The following PTPN13 variants were observed in gnomAD, a reference collection of about 807,000 sequenced individuals.
PTPN13 encodes protein tyrosine phosphatase non-receptor type 13, also known as tyrosine-protein phosphatase non-receptor type 13.
In PTPN13, 191 loss-of-function variants were observed where a neutral mutation model predicts 284.0. The observed-to-expected ratio is 0.67, with a 90% confidence interval of 0.60 to 0.76. The LOEUF (loss-of-function observed/expected upper bound fraction) is 0.76, where lower values mean the gene tolerates loss of function less well. PTPN13 is among the 30% of genes least tolerant of loss of function. PTPN13 has a pLI of 0.00. For missense variants in PTPN13, 2,797 were observed against 2,939.9 expected, an observed-to-expected ratio of 0.95 and a Z score of 1.12; for synonymous variants, 986 against 1,022.3, an observed-to-expected ratio of 0.96 and a Z score of 0.68.
intron 35 of PTPN13, 149 bp downstream of exon 35, chr4:86,775,801 A>T: frequency 3.0e-6 from 2 of 662,224 alleles, no homozygotes; most frequent in South Asian, 2.0e-5. Context: ...AGACTTCTTG[A>T]TAGGCGATTT....
chr4:86,659,707 T>G (rs912207023), intron 2 of PTPN13, among the ~76,000 whole-genome samples: 2 of 151,936 alleles, frequency 1.3e-5, no homozygotes, highest in Non-Finnish European at 2.9e-5. Flanking sequence ...TCCCAGCTAC[T>G]CAGGAGGCTG....
intron 20 of PTPN13, 82 bp downstream of exon 20, chr4:86,753,147 G>C (rs969875674): frequency 1.9e-6 from 2 of 1,038,712 alleles, no homozygotes; most frequent in African/African-American, 1.6e-5. Flanking sequence ...ACAATGAAGA[G>C]TCTTGAGTTC....
At chr4:86,674,458 G>A (rs1469028612) in intron 3 of PTPN13, among the ~76,000 whole-genome samples, 1 of 152,130 alleles carries the variant, frequency 6.6e-6, no homozygotes, top group Non-Finnish European at 1.5e-5. Context: ...TCTTTTCAGA[G>A]ATTGAATGTG....
rs1020154783 is a variant in PTPN13, at chr4:86,618,535, A to G, written c.-5-16717A>G. On this transcript the variant is annotated intron_variant, in intron 1 of 47. Transcript: ENST00000411767. ...CCTTGGGCATTATGGCCATTTTCACAATATTGATTCTTCCTACCCATGAGC... is the reference window on the plus strand; with the variant it reads ...CCTTGGGCATTATGGCCATTTTCACGATATTGATTCTTCCTACCCATGAGC... Among the ~76,000 whole-genome samples, 5 of 152,216 alleles carry G rather than the reference A, an allele frequency of 3.3e-5. No individual in the cohort carries two copies. The South Asian group carries it at 6.2e-4, about 19-fold the overall frequency.
intron 7 of PTPN13, among the ~76,000 whole-genome samples, chr4:86,712,479 G>T (rs190497530): frequency 6.6e-6 from 1 of 151,792 alleles, no homozygotes; most frequent in Admixed American, 6.6e-5. Context: ...ACCTGAAAAC[G>T]TTAAATTTAT....
chr4:86,684,038 T>G (rs951986631), intron 3 of PTPN13, among the ~76,000 whole-genome samples: 2 of 151,860 alleles, frequency 1.3e-5, no homozygotes, highest in African/African-American at 4.8e-5. Context: ...TCAACAGACA[T>G]GTATTGAATA....
At chr4:86,674,676 T>G (rs895776470) in intron 3 of PTPN13, among the ~76,000 whole-genome samples, 24 of 152,200 alleles carry the variant, frequency 1.6e-4, no homozygotes, top group Non-Finnish European at 2.9e-4. Context: ...GGGGTAATGC[T>G]TAAGGCATTA....
chr4:86,753,111 AC>A, intron 20 of PTPN13, 46 bp downstream of exon 20: 1 of 1,443,372 alleles, frequency 6.9e-7, no homozygotes, highest in African/African-American at 1.4e-5. Context: ...CATTTCTTGT[AC>A]CTTACTGAGA....
chr4:86,733,037 C>T (rs1354146756), intron 12 of PTPN13, among the ~76,000 whole-genome samples: 2 of 151,648 alleles, frequency 1.3e-5, no homozygotes, highest in African/African-American at 4.8e-5. Context: ...TTTTAGGGAC[C>T]GTTTTATATG....
rs574697888 is a variant in PTPN13, at chr4:86,779,659, T to C, written c.5892-743T>C. 3.9e-5 allele frequency among the ~76,000 whole-genome samples: 6 copies of C among 152,256 alleles called. No individual in the cohort carries two copies. In the East Asian group the frequency reaches 1.2e-3, roughly 29 times the overall value. On this transcript the variant is annotated intron_variant, in intron 35 of 47. Transcript: ENST00000411767. ...AGGTCAGGACCTTGCATTTTGGGGC[T>C]AGTCAGCAAGAACATACAGGGGTAC...
At chr4:86,785,499 A>G (rs1741796525) in intron 39 of PTPN13, 131 bp downstream of exon 39, 3 of 868,454 alleles carry the variant, frequency 3.5e-6, no homozygotes, top group Non-Finnish European at 5.0e-6. Flanking sequence ...TTTCAGAAAC[A>G]AAACAGAATT....
At chr4:86,705,106 C>G (rs532343652) in intron 7 of PTPN13, among the ~76,000 whole-genome samples, 1 of 151,908 alleles carries the variant, frequency 6.6e-6, no homozygotes, top group Non-Finnish European at 1.5e-5. Context: ...GAGGCCAGGG[C>G]GGGCAGATCA....
chr4:86,774,679 G>A (rs546356817), intron 33 of PTPN13, 148 bp downstream of exon 33: 8 of 408,100 alleles, frequency 2.0e-5, no homozygotes, highest in South Asian at 1.1e-4. Flanking sequence ...CCTTCATATC[G>A]TTAACAGTTT....
intron 15 of PTPN13, among the ~76,000 whole-genome samples, chr4:86,738,175 C>G (rs1040790640): frequency 6.6e-6 from 1 of 151,426 alleles, no homozygotes; most frequent in Non-Finnish European, 1.5e-5. Context: ...TATAAACATT[C>G]CAGTTCACAT....
intron 20 of PTPN13, among the ~76,000 whole-genome samples, chr4:86,756,753 A>C (rs138588469): frequency 8.7e-4 from 133 of 152,292 alleles, no homozygotes; most frequent in African/African-American, 3.0e-3. Flanking sequence ...CAAAATTACT[A>C]TTTGTTTTGT....
Position 86,809,973 on chromosome 4 carries a change from C to T in PTPN13, c.7288C>T (p.Gln2430Ter). The change falls in exon 46 of 48, where the codon CAG becomes TAG. Residue 2430 changes from glutamine (Q) to a stop codon, truncating the protein, a stop_gained. Coordinates refer to ENST00000411767, the MANE Select transcript of PTPN13 (RefSeq NM_080683.3). LOFTEE classifies it high-confidence loss of function. ...CIDVVLGLIS[Q>*]DLDFDISDLV... ...AGATGTGGTTCTGGGATTAATCAGT[C>T]AGGATCTTGATGTGAGTACAAGATA... The T allele has an allele frequency of 6.2e-7, 1 of 1,613,680 alleles. No individual in the cohort carries two copies. The highest frequency in any genetic ancestry group is 8.5e-7 in the Non-Finnish European group (1 of 1,179,698).
intron 40 of PTPN13, among the ~76,000 whole-genome samples, chr4:86,792,187 A>G (rs1247088518): frequency 6.6e-6 from 1 of 152,256 alleles, no homozygotes; most frequent in East Asian, 1.9e-4. Context: ...GCTGAAAACC[A>G]CAGCACGAGA....
At chr4:86,663,313 TG>T (rs1399359274) in intron 2 of PTPN13, among the ~76,000 whole-genome samples, 1 of 152,052 alleles carries the variant, frequency 6.6e-6, no homozygotes, top group African/African-American at 2.4e-5. Flanking sequence ...ATTAAACCCA[TG>T]GGGGGGTTTG....
chr4:86,690,728 T>C (rs1396222446), intron 5 of PTPN13, among the ~76,000 whole-genome samples: 1 of 151,732 alleles, frequency 6.6e-6, no homozygotes. Context: ...TTTTTTTCTG[T>C]CTTTGAATGA....
Sources: allele counts gnomAD v4.1 joint callset (sites outside exome capture counted in the v4.1 genomes callset), GRCh38; gene constraint gnomAD v4.1.1; transcripts MANE v1.5; gene names NCBI Gene and HGNC (gene_info 2026-07-23, HGNC 2026-07-21).